The following CNTNAP2 variants were observed in gnomAD, a reference collection of about 807,000 sequenced individuals.
The protein encoded by CNTNAP2 is contactin-associated protein-like 2.
Under a neutral mutation model 155.2 loss-of-function variants are expected in CNTNAP2, and 98 were observed. The observed-to-expected ratio is 0.63, with a 90% CI of 0.54 to 0.75. CNTNAP2 has a LOEUF of 0.75. Among genes scored for constraint, CNTNAP2 ranks in the 30% least tolerant of loss-of-function variants. The probability of loss-of-function intolerance (pLI) is 0.00; values close to 1 mark genes in which losing one functional copy is unlikely to be tolerated. For missense variants in CNTNAP2, 1,727 were observed against 1,688.1 expected, an observed-to-expected ratio of 1.02 and a Z score of -0.40; for synonymous variants, 651 against 631.2, an observed-to-expected ratio of 1.03 and a Z score of -0.47.
chr7:146,676,387 C>G (rs1233584365), intron 1 of CNTNAP2, among the ~76,000 whole-genome samples: 1 of 151,614 alleles, frequency 6.6e-6, no homozygotes, highest in African/African-American at 2.4e-5. Context: ...AACCTGGGAG[C>G]ATTGATTCAA....
At chr7:147,468,045 A>G (rs1185591430) in intron 10 of CNTNAP2, among the ~76,000 whole-genome samples, 1 of 152,114 alleles carries the variant, frequency 6.6e-6, no homozygotes, top group African/African-American at 2.4e-5. Flanking sequence ...GAACTGTGGG[A>G]GGCCAAGGCG....
At chr7:146,866,763 G>T (rs1422653113) in intron 3 of CNTNAP2, among the ~76,000 whole-genome samples, 2 of 152,010 alleles carry the variant, frequency 1.3e-5, no homozygotes, top group South Asian at 4.1e-4. Flanking sequence ...TAATAGAGCA[G>T]AGTTGGAAAC....
intron 12 of CNTNAP2, among the ~76,000 whole-genome samples, chr7:147,606,459 C>T (rs1409975709): frequency 3.3e-5 from 5 of 152,166 alleles, no homozygotes; most frequent in Non-Finnish European, 7.3e-5. Context: ...GATGATTTAT[C>T]CTATTTAAGC....
chr7:146,804,527 A>C (rs565330499), intron 2 of CNTNAP2, among the ~76,000 whole-genome samples: 1 of 152,330 alleles, frequency 6.6e-6, no homozygotes, highest in Non-Finnish European at 1.5e-5. Context: ...TAGCAAAAGA[A>C]ACAAAAATGC....
At chr7:146,566,028 G>C (rs1253482646) in intron 1 of CNTNAP2, among the ~76,000 whole-genome samples, 2 of 152,228 alleles carry the variant, frequency 1.3e-5, no homozygotes, top group African/African-American at 2.4e-5. Context: ...CAGTGACTCT[G>C]TAATGGCTGC....
chr7:147,357,029 A>T (rs946967819), intron 9 of CNTNAP2, among the ~76,000 whole-genome samples: 1 of 152,098 alleles, frequency 6.6e-6, no homozygotes, highest in Non-Finnish European at 1.5e-5. Context: ...TCTGACCTCC[A>T]TCTTTCTGAT....
At chr7:147,800,054 T>A (rs1797959203) in intron 13 of CNTNAP2, among the ~76,000 whole-genome samples, 1 of 152,218 alleles carries the variant, frequency 6.6e-6, no homozygotes, top group Non-Finnish European at 1.5e-5. Context: ...ATATAGTATG[T>A]GTCAAAATTA....
chr7:147,462,487 A>C (rs940106262), intron 10 of CNTNAP2, among the ~76,000 whole-genome samples: 1 of 152,208 alleles, frequency 6.6e-6, no homozygotes, highest in African/African-American at 2.4e-5. Context: ...TTACTTATAC[A>C]GTCAATTTCA....
At chr7:147,404,775 A>T (rs1230169715) in intron 10 of CNTNAP2, among the ~76,000 whole-genome samples, 1 of 152,186 alleles carries the variant, frequency 6.6e-6, no homozygotes, top group Non-Finnish European at 1.5e-5. Context: ...GCACAAAAAC[A>T]TCAGCTCAAT....
At chr7:147,015,219 A>G (rs1798698050) in intron 3 of CNTNAP2, among the ~76,000 whole-genome samples, 1 of 152,080 alleles carries the variant, frequency 6.6e-6, no homozygotes, top group Admixed American at 6.6e-5. Context: ...AGCAGGAAGC[A>G]TGAGCTCTTG....
At chr7:147,980,195 G>C (rs1801497446) in intron 15 of CNTNAP2, among the ~76,000 whole-genome samples, 1 of 152,094 alleles carries the variant, frequency 6.6e-6, no homozygotes, top group Non-Finnish European at 1.5e-5. Flanking sequence ...TTTAGGCTTT[G>C]TAATATAAAA....
intron 1 of CNTNAP2, among the ~76,000 whole-genome samples, chr7:146,558,653 A>G (rs1242994708): frequency 2.0e-5 from 3 of 152,212 alleles, no homozygotes; most frequent in Non-Finnish European, 4.4e-5. Flanking sequence ...CAAATTTTTA[A>G]GCACACAGCA....
At position 147,006,269 on chromosome 7, in the gene CNTNAP2, G is replaced by A. The variant is rs1798522202; in HGVS notation, c.403-37638G>A. Among the ~76,000 whole-genome samples, 4 of 151,984 alleles carry A rather than the reference G, an allele frequency of 2.6e-5. No individual in the cohort carries two copies. In the South Asian group the frequency reaches 8.3e-4, roughly 31 times the overall value. On this transcript the variant is annotated intron_variant, in intron 3 of 23. Coordinates refer to ENST00000361727, the MANE Select transcript of CNTNAP2 (RefSeq NM_014141.6). Reference sequence around the variant, plus strand: ...GCTAGGAGAAGTATACTAAACAAGGGTTGTTTTAGTGAGGTTTGTTATACA... The same window carrying A: ...GCTAGGAGAAGTATACTAAACAAGGATTGTTTTAGTGAGGTTTGTTATACA...
intron 13 of CNTNAP2, among the ~76,000 whole-genome samples, chr7:147,664,652 C>G (rs1436351575): frequency 6.6e-6 from 1 of 152,084 alleles, no homozygotes; most frequent in Non-Finnish European, 1.5e-5. Flanking sequence ...TTCTTTTATT[C>G]CTAGGAAATC....
chr7:147,142,355 T>A (rs1212988810), intron 8 of CNTNAP2, among the ~76,000 whole-genome samples: 2 of 152,206 alleles, frequency 1.3e-5, no homozygotes, highest in African/African-American at 4.8e-5. Context: ...TCATTGGTTC[T>A]GTTTATATGC....
At chr7:147,966,672 G>T (rs1161592289) in intron 14 of CNTNAP2, among the ~76,000 whole-genome samples, 4 of 152,214 alleles carry the variant, frequency 2.6e-5, no homozygotes, top group African/African-American at 9.6e-5. Context: ...CAGCAGGAAA[G>T]ATTTATTTGC....
At chr7:146,282,685 G>A (rs958175840) in intron 1 of CNTNAP2, among the ~76,000 whole-genome samples, 10 of 152,122 alleles carry the variant, frequency 6.6e-5, no homozygotes, top group African/African-American at 1.9e-4. Context: ...CAGTGATACC[G>A]TTCCCTATCA....
intron 1 of CNTNAP2, among the ~76,000 whole-genome samples, chr7:146,701,794 A>G (rs1275572120): frequency 6.6e-6 from 1 of 152,152 alleles, no homozygotes; most frequent in Non-Finnish European, 1.5e-5. Flanking sequence ...GCCCTTCTCA[A>G]AATATTCTTA....
rs145417316 is a variant in CNTNAP2 at position 148,106,490 on chromosome 7, TGA to T, written c.2384-11625_2384-11624del. On this transcript the variant is annotated intron_variant, in intron 15 of 23. Transcript: ENST00000361727. The stretch of plus-strand genomic sequence containing the variant: ...TGGCACTTCAGTGTACTGCACACTT[TGA>T]GATATATATATATATATATATATAT... 9.9e-5 allele frequency among the ~76,000 whole-genome samples: 6 copies of T among 60,312 alleles called. No homozygotes were observed. In the East Asian group the frequency reaches 2.3e-3, roughly 24 times the overall value. 39.6% of individuals were successfully genotyped at this position (60,312 alleles called of 152,430 possible).
Sources: allele counts gnomAD v4.1 joint callset (sites outside exome capture counted in the v4.1 genomes callset), GRCh38; gene constraint gnomAD v4.1.1; transcripts MANE v1.5; gene names NCBI Gene and HGNC (gene_info 2026-07-23, HGNC 2026-07-21).